The following PTPRD variants were observed in gnomAD, a reference collection of about 807,000 sequenced individuals.
PTPRD encodes the protein receptor-type tyrosine-protein phosphatase delta.
In PTPRD, 34 loss-of-function variants were observed where a neutral mutation model predicts 214.5. The observed-to-expected ratio is 0.16, with a 90% confidence interval of 0.12 to 0.21. The LOEUF (loss-of-function observed/expected upper bound fraction) is 0.21. Ranked by LOEUF, PTPRD falls within the 10% of genes least tolerant of loss-of-function variation. The pLI is 1.00. For missense variants in PTPRD, 2,545 were observed against 2,398.7 expected, an observed-to-expected ratio of 1.06 and a Z score of -1.27; for synonymous variants, 1,128 against 845.7, an observed-to-expected ratio of 1.33 and a Z score of -5.79.
intron 14 of PTPRD, among the ~76,000 whole-genome samples, chr9:8,589,430 T>A (rs1047244573): frequency 2.0e-5 from 3 of 152,230 alleles, no homozygotes; most frequent in African/African-American, 7.2e-5. Flanking sequence ...TTCTGACTTG[T>A]CGCTTGATTC....
chr9:8,360,886 A>T (rs145375667), intron 39 of PTPRD, among the ~76,000 whole-genome samples: 2,426 of 152,284 alleles, frequency 0.016, 55 homozygotes, highest in African/African-American at 0.056. Flanking sequence ...GAAACCAGTT[A>T]AACTTACTTT....
At chr9:8,562,409 C>A (rs925366472) in intron 14 of PTPRD, among the ~76,000 whole-genome samples, 5 of 151,612 alleles carry the variant, frequency 3.3e-5, no homozygotes, top group African/African-American at 1.2e-4. Context: ...TTTTCCTTCT[C>A]ATAATAATTT....
chr9:8,908,395 G>C (rs1371670258), intron 11 of PTPRD, among the ~76,000 whole-genome samples: 1 of 152,022 alleles, frequency 6.6e-6, no homozygotes, highest in Non-Finnish European at 1.5e-5. Context: ...ACCATTCAAA[G>C]TATGTTGTTT....
chr9:9,225,866 A>T (rs912694858), intron 9 of PTPRD, among the ~76,000 whole-genome samples: 5 of 152,028 alleles, frequency 3.3e-5, no homozygotes, highest in African/African-American at 1.2e-4. Flanking sequence ...ATATAGTATC[A>T]TATTGATGCA....
intron 35 of PTPRD, among the ~76,000 whole-genome samples, chr9:8,405,244 G>C (rs1589620646): frequency 6.6e-6 from 1 of 152,138 alleles, no homozygotes; most frequent in South Asian, 2.1e-4. Flanking sequence ...GAACAGTAAA[G>C]AAGGGAGGTC....
intron 3 of PTPRD, among the ~76,000 whole-genome samples, chr9:10,247,797 A>G (rs1207118834): frequency 6.6e-6 from 1 of 152,160 alleles, no homozygotes; most frequent in Non-Finnish European, 1.5e-5. Context: ...AGAGAAAGAA[A>G]GAAAGAAGAC....
rs138058287 is a variant in PTPRD, at chr9:10,355,166, G to A, written c.-599-14149C>T. On this transcript the variant is annotated intron_variant, in intron 2 of 45. Coordinates refer to ENST00000381196, the MANE Select transcript of PTPRD (RefSeq NM_002839.4). ...ACAAAATTTTGACATTTACTTCAAAGTTTTTTTCATATAATTTAAGTTATT... is the reference window on the plus strand; with the variant it reads ...ACAAAATTTTGACATTTACTTCAAAATTTTTTTCATATAATTTAAGTTATT... 4.2e-3 allele frequency among the ~76,000 whole-genome samples: 643 copies of A among 152,098 alleles called. 1 individual carries two copies. The highest frequency in any genetic ancestry group is 7.5e-3 in the Non-Finnish European group (509 of 67,978).
intron 10 of PTPRD, among the ~76,000 whole-genome samples, chr9:9,154,310 G>A (rs966225469): frequency 2.6e-5 from 4 of 152,166 alleles, no homozygotes; most frequent in African/African-American, 4.8e-5. Flanking sequence ...ATACCACGGA[G>A]TTGGTGGCTT....
chr9:10,237,031 C>G (rs2099631276), intron 3 of PTPRD, among the ~76,000 whole-genome samples: 1 of 151,846 alleles, frequency 6.6e-6, no homozygotes, highest in East Asian at 1.9e-4. Flanking sequence ...ATACATTTGT[C>G]CAAATCCACA....
chr9:8,436,572 G>A lies in PTPRD; in HGVS notation c.4086+20C>T. ...GAGTAACTCTTGAAATTACTGTAAA[G>A]AATAAACACAGTGAATTACCTCATA... On this transcript the variant is annotated intron_variant, in intron 35 of 45. Transcript: ENST00000381196. 3 of 1,562,150 alleles carry A rather than the reference G, an allele frequency of 1.9e-6. No individual in the cohort carries two copies. Among genetic ancestry groups the A allele is most frequent in the Non-Finnish European group, 2.6e-6 (3 of 1,133,986 alleles).
chr9:10,380,013 G>A (rs1377044326), intron 2 of PTPRD, among the ~76,000 whole-genome samples: 1 of 152,002 alleles, frequency 6.6e-6, no homozygotes, highest in Non-Finnish European at 1.5e-5. Context: ...AGGCTAGAAT[G>A]CGGTGGCACA....
At chr9:8,490,523 G>A (rs1167641774) in intron 27 of PTPRD, among the ~76,000 whole-genome samples, 1 of 152,070 alleles carries the variant, frequency 6.6e-6, no homozygotes, top group African/African-American at 2.4e-5. Context: ...CTTAAACATA[G>A]CTGTTCAATA....
intron 12 of PTPRD, among the ~76,000 whole-genome samples, chr9:8,730,084 G>A (rs1435496856): frequency 4.0e-5 from 6 of 151,842 alleles, no homozygotes; most frequent in African/African-American, 4.8e-5. Context: ...GTGAAACCCC[G>A]TCTCTACTAA....
At chr9:8,736,296 G>A (rs981153478) in intron 11 of PTPRD, among the ~76,000 whole-genome samples, 1 of 152,132 alleles carries the variant, frequency 6.6e-6, no homozygotes, top group Admixed American at 6.5e-5. Flanking sequence ...CTTATGCAGA[G>A]TACACTCTTA....
chr9:8,581,300 A>C (rs1004736035), intron 14 of PTPRD, among the ~76,000 whole-genome samples: 5 of 152,254 alleles, frequency 3.3e-5, no homozygotes, highest in Non-Finnish European at 7.3e-5. Context: ...CAATAGGTAA[A>C]AATAGAAATT....
intron 8 of PTPRD, among the ~76,000 whole-genome samples, chr9:9,496,204 T>A (rs934708399): frequency 6.6e-6 from 1 of 152,036 alleles, no homozygotes; most frequent in African/African-American, 2.4e-5. Flanking sequence ...ATTAAAAAAA[T>A]AGACAATTTT....
At chr9:8,810,910 G>T (rs761297631) in intron 11 of PTPRD, among the ~76,000 whole-genome samples, 2 of 152,134 alleles carry the variant, frequency 1.3e-5, no homozygotes, top group African/African-American at 2.4e-5. Context: ...TCCCTTGTTG[G>T]CTATGAGTTC....
At chr9:10,117,982 G>T (rs536179490) in intron 3 of PTPRD, among the ~76,000 whole-genome samples, 5 of 151,926 alleles carry the variant, frequency 3.3e-5, no homozygotes, top group Non-Finnish European at 7.4e-5. Context: ...ACTATTACCT[G>T]ATACTTTCCC....
intron 3 of PTPRD, among the ~76,000 whole-genome samples, chr9:10,169,495 C>CAAAAAAAAAAAAAAAAAAAAAAAAAAA (rs2099186726): frequency 8.6e-6 from 1 of 116,770 alleles, no homozygotes; most frequent in African/African-American, 3.3e-5. Context: ...AAAAAAAAAG[C>CAAAAAAAAAAAAAAAAAAAAAAAAAAA]AATGAGTAGG....
Sources: allele counts gnomAD v4.1 joint callset (sites outside exome capture counted in the v4.1 genomes callset), GRCh38; gene constraint gnomAD v4.1.1; transcripts MANE v1.5; gene names NCBI Gene and HGNC (gene_info 2026-07-23, HGNC 2026-07-21).